Variants in POU2F2 observed in about 807,000 individuals in gnomAD.
POU2F2 encodes the protein POU domain, class 2, transcription factor 2.
In POU2F2, 14 loss-of-function variants were observed where a neutral mutation model predicts 63.5. The observed-to-expected ratio is 0.22, with a 90% CI of 0.15 to 0.34. The LOEUF is 0.34. POU2F2 is among the 10% of genes least tolerant of loss of function. The pLI, the probability that POU2F2 is intolerant of heterozygous loss-of-function variation, is 1.00. For missense variants in POU2F2, 607 were observed against 815.2 expected, an observed-to-expected ratio of 0.74 and a Z score of 3.11; for synonymous variants, 306 against 348.6, an observed-to-expected ratio of 0.88 and a Z score of 1.36.
upstream of POU2F2, among the ~76,000 whole-genome samples, chr19:42,197,774 G>A (rs1486894274): frequency 6.6e-6 from 1 of 152,202 alleles, no homozygotes; most frequent in Non-Finnish European, 1.5e-5. Flanking sequence ...GCCACGTGGA[G>A]ACAAATTCCA....
chr19:42,143,025 G>A (rs1319748150), intron 2 of POU2F2, among the ~76,000 whole-genome samples: 1 of 152,198 alleles, frequency 6.6e-6, no homozygotes, highest in Non-Finnish European at 1.5e-5. Flanking sequence ...GGGTGCCTTT[G>A]ACATCTCCAC....
Position 42,117,284 on chromosome 19 carries a change from G to T in POU2F2, c.335C>A (p.Ala112Asp). The change falls in exon 5 of 15, where the codon GCC (alanine) becomes GAC (aspartate). Residue 112 changes from alanine (A) to aspartate (D), a missense_variant. Physicochemically the swap from Ala to Asp is moderately radical, Grantham distance 126. Around this residue, in one of 7 missense-constraint regions of POU2F2, gnomAD observed 224 missense variants for 264.3 expected, o/e 0.85. Coordinates refer to ENST00000692977, the MANE Select transcript of POU2F2 (RefSeq NM_001394376.1). The surrounding 1 kb of genome is among the most constrained non-coding windows in gnomAD (Gnocchi z 4.4). ...CTGGCTGCCCGTCAACATGAGTTGG[G>T]CCTGGGGCAGATGAGGCTGGGCCGG... The part of the protein sequence containing the change: ...PQPAQPHLPQ[A>D]QLMLTGSQLA... 1 of 1,503,216 alleles carries T rather than the reference G, an allele frequency of 6.7e-7. No individual in the cohort carries two copies. The highest frequency in any genetic ancestry group is 2.0e-4 in the Middle Eastern group (1 of 5,026). The allele number at this position is 1,503,216 out of a possible 1,614,324, so 93.1% of individuals were successfully genotyped here. A position where few individuals can be genotyped will look rare whatever the true frequency, so the allele number is the denominator to read the frequency against.
intron 1 of POU2F2, among the ~76,000 whole-genome samples, chr19:42,174,469 G>A (rs564885933): frequency 4.7e-4 from 72 of 152,078 alleles, no homozygotes; most frequent in Non-Finnish European, 9.1e-4. Flanking sequence ...CACACATAGC[G>A]AGTGATACAT....
At position 42,092,156 on chromosome 19, in the gene POU2F2, G is replaced by T. The variant is rs1254153448; in HGVS notation, c.1379C>A (p.Pro460Gln). Residue 460 changes from proline to glutamine, a missense_variant, in exon 13 of 15, where the codon CCA (proline) becomes CAA (glutamine). Physicochemically the swap from Pro to Gln is moderately conservative, Grantham distance 76. This residue lies in a region of POU2F2 where 270 missense variants were observed against 307.5 expected (regional missense o/e 0.88). Coordinates refer to ENST00000692977, the MANE Select transcript of POU2F2 (RefSeq NM_001394376.1). This position sits in a 1 kb window ranked among gnomAD's most constrained non-coding sequence, Gnocchi z 5.0. ...TGTGCTGTTGGTGGTGGCCGGGGGT[G>T]GGGGAGTGACAGAGGGGATGGAATT... The part of the protein sequence containing the change: ...PLNSIPSVTP[P>Q]PPATTNSTNP... The T allele has an allele frequency of 1.3e-6, 2 of 1,583,030 alleles. No individual in the cohort carries two copies. Among genetic ancestry groups the T allele is most frequent in the Non-Finnish European group, 8.6e-7 (1 of 1,166,514 alleles).
At chr19:42,160,174 A>G (rs2034527525) in intron 2 of POU2F2, among the ~76,000 whole-genome samples, 1 of 152,158 alleles carries the variant, frequency 6.6e-6, no homozygotes, top group Non-Finnish European at 1.5e-5. Flanking sequence ...ATGGAGGGTG[A>G]GAACAAAGCA....
chr19:42,178,299 CAGAG>C (rs1181719462), upstream of POU2F2, among the ~76,000 whole-genome samples: 7 of 151,284 alleles, frequency 4.6e-5, no homozygotes, highest in African/African-American at 1.7e-4. Context: ...CACACAGAGA[CAGAG>C]AGATAGTGAA....
chr19:42,114,534 G>C (rs968228353), intron 5 of POU2F2, among the ~76,000 whole-genome samples: 1 of 152,146 alleles, frequency 6.6e-6, no homozygotes, highest in East Asian at 1.9e-4. Context: ...GTAAAGGGCT[G>C]TCTATGCTAC....
intron 7 of POU2F2, 61 bp downstream of exon 7, chr19:42,099,466 A>T: frequency 6.9e-7 from 1 of 1,444,008 alleles, no homozygotes; most frequent in Non-Finnish European, 9.7e-7. Context: ...ACCCCCGTTT[A>T]CCCAGCTTTC....
Position 42,093,851 on chromosome 19 carries a change from A to G in POU2F2, c.1242T>C (p.Ala414=), listed in dbSNP as rs778519196. 1.4e-5 allele frequency: 23 copies of G among 1,612,108 alleles called. No homozygotes were observed. Among genetic ancestry groups the G allele is most frequent in the Non-Finnish European group, 2.0e-5 (23 of 1,178,556 alleles). ...GGAGTLPLSQ[A]SSSLSTTVTT... is the part of the protein sequence containing the mutation. The stretch of plus-strand genomic sequence containing the variant: ...GACCTGTTGTGCTCAGACTGCTGGA[A>G]GCTTGGGACAACGGTAAGGTCCCCG... Residue 414 remains alanine (A), a synonymous_variant, in exon 12 of 15, where the codon GCT becomes GCC. Coordinates refer to ENST00000692977, the MANE Select transcript of POU2F2 (RefSeq NM_001394376.1).
At chr19:42,181,938 C>T (rs17750207) in intron 1 of POU2F2, among the ~76,000 whole-genome samples, 10,699 of 152,082 alleles carry the variant, frequency 0.07, 539 homozygotes, top group Middle Eastern at 0.17. Flanking sequence ...CATTTGTTCG[C>T]GCATCTGTGG....
intron 1 of POU2F2, among the ~76,000 whole-genome samples, chr19:42,183,155 A>T (rs1039909951): frequency 3.3e-5 from 5 of 152,194 alleles, no homozygotes; most frequent in Admixed American, 6.5e-5. Flanking sequence ...ATGCATACTG[A>T]ATACTATCAC....
chr19:42,097,798 A>G (rs2146344405), intron 7 of POU2F2, among the ~76,000 whole-genome samples: 1 of 152,258 alleles, frequency 6.6e-6, no homozygotes, highest in Middle Eastern at 3.4e-3. Context: ...ACAGAGTAAG[A>G]CCCTGTCTCA....
intron 4 of POU2F2, among the ~76,000 whole-genome samples, chr19:42,120,409 C>T (rs2032467299): frequency 6.6e-6 from 1 of 151,986 alleles, no homozygotes; most frequent in Non-Finnish European, 1.5e-5. Context: ...TTAGTAGAGT[C>T]GAAGTTTCAC....
chr19:42,142,942 A>G (rs898811333), intron 2 of POU2F2, among the ~76,000 whole-genome samples: 3 of 152,302 alleles, frequency 2.0e-5, no homozygotes, highest in Admixed American at 6.5e-5. Context: ...TTATCCCAAA[A>G]GTGAGAATTG....
chr19:42,188,652 CGAGA>C lies in POU2F2; in HGVS notation c.-70+7727_-70+7730del. Among the ~76,000 whole-genome samples the C allele has an allele frequency of 2.5e-5, 3 of 119,104 alleles. No homozygotes were observed. In the Admixed American group the frequency reaches 3.3e-4, roughly 13 times the overall value. 78.1% of individuals were successfully genotyped at this position (119,104 alleles called of 152,430 possible). ...CGCCATTGCACTCCAGCCTGGGGGA[CGAGA>C]GAGAGTTCATCTCAAAAAAAAAAAA... On this transcript the variant is annotated intron_variant, in intron 1 of 5. Coordinates refer to the POU2F2 transcript ENST00000532176.
At chr19:42,128,203 G>A (rs901849467) in intron 1 of POU2F2, among the ~76,000 whole-genome samples, 33 of 152,000 alleles carry the variant, frequency 2.2e-4, no homozygotes, top group African/African-American at 7.3e-4. Flanking sequence ...CTAGGAGTAC[G>A]TCTTTGGAAT....
At position 42,096,053 on chromosome 19, in the gene POU2F2, A is replaced by G; in HGVS notation, c.729+29T>C. The G allele has an allele frequency of 6.2e-7, 1 of 1,611,290 alleles. No homozygotes were observed. Among genetic ancestry groups the G allele is most frequent in the Non-Finnish European group, 8.5e-7 (1 of 1,178,756 alleles). On this transcript the variant is annotated intron_variant, in intron 8 of 14. Transcript: ENST00000692977. The surrounding 1 kb of genome is among the most constrained non-coding windows in gnomAD (Gnocchi z 4.1). ...ATCAACTGGCCACGCCCCCACGCCC[A>G]CCGCCCAGCCTGCAAGGTGCCTCCA... is the stretch of plus-strand genomic sequence containing the variant.
chr19:42,150,227 A>G (rs545471429), intron 2 of POU2F2, among the ~76,000 whole-genome samples: 138 of 151,692 alleles, frequency 9.1e-4, no homozygotes, highest in African/African-American at 3.2e-3. Flanking sequence ...CACCCATCCC[A>G]TGGCCACCTT....
intron 2 of POU2F2, among the ~76,000 whole-genome samples, chr19:42,149,630 A>G (rs560414203): frequency 2.6e-5 from 4 of 152,262 alleles, no homozygotes; most frequent in African/African-American, 9.6e-5. Flanking sequence ...AGAGAGACAG[A>G]GACAGGAAGA....
Sources: gnomAD v4.1 joint callset for allele counts (sites outside exome capture counted in the v4.1 genomes callset) on GRCh38, gnomAD v4.1.1 for gene constraint, gnomAD v4.1.1 regional missense constraint, Gnocchi (gnomAD v3.1) non-coding constraint, MANE v1.5 for transcripts, NCBI Gene and HGNC (gene_info 2026-07-23, HGNC 2026-07-21) for gene names.